The following RNF182 variants were observed in gnomAD, a reference collection of about 807,000 sequenced individuals.
The protein encoded by RNF182 is ring finger protein 182, also known as E3 ubiquitin-protein ligase RNF182.
In RNF182, 15 loss-of-function variants were observed where a neutral mutation model predicts 14.4. The observed-to-expected ratio is 1.04, with a 90% CI of 0.70 to 1.60. The LOEUF is 1.60. RNF182 is among the 40% of genes most tolerant of loss of function. The pLI, the probability that RNF182 is intolerant of heterozygous loss-of-function variation, is 0.00. For missense variants in RNF182, 268 were observed against 294.8 expected, an observed-to-expected ratio of 0.91 and a Z score of 0.67; for synonymous variants, 128 against 122.9, an observed-to-expected ratio of 1.04 and a Z score of -0.27.
chr6:13,944,749 A>G (rs547868724), intron 1 of RNF182, among the ~76,000 whole-genome samples: 1 of 152,356 alleles, frequency 6.6e-6, no homozygotes, highest in African/African-American at 2.4e-5. Context: ...CTATGTTACA[A>G]TCAAGAGACA....
intron 1 of RNF182, among the ~76,000 whole-genome samples, chr6:13,930,516 C>T (rs1204885099): frequency 1.3e-5 from 2 of 152,188 alleles, no homozygotes; most frequent in Non-Finnish European, 2.9e-5. Context: ...AAGTGATACT[C>T]CCTTCTCACT....
At chr6:13,946,205 T>C (rs1438180033) in intron 1 of RNF182, among the ~76,000 whole-genome samples, 1 of 149,490 alleles carries the variant, frequency 6.7e-6, no homozygotes, top group African/African-American at 2.5e-5. Flanking sequence ...CCTGCTCTGT[T>C]GCCCAGGCTA....
At chr6:13,952,630 C>A (rs1330010703) in intron 1 of RNF182, among the ~76,000 whole-genome samples, 1 of 152,132 alleles carries the variant, frequency 6.6e-6, no homozygotes, top group East Asian at 1.9e-4. Context: ...CCGGTATCAT[C>A]CCTTCATGGC....
chr6:13,924,607 G>C (rs925789193), upstream of RNF182: 13 of 152,520 alleles, frequency 8.5e-5, no homozygotes, highest in African/African-American at 3.1e-4. Context: ...GTGTCTGTGG[G>C]GGGGATGGTG....
chr6:13,947,037 G>A (rs898908239), intron 1 of RNF182, among the ~76,000 whole-genome samples: 8 of 126,594 alleles, frequency 6.3e-5, no homozygotes, highest in East Asian at 2.4e-4. Context: ...ACTGTAAAGC[G>A]AAATCAGTAA....
chr6:13,929,935 T>A (rs967722394), intron 1 of RNF182, among the ~76,000 whole-genome samples: 1 of 152,226 alleles, frequency 6.6e-6, no homozygotes, highest in African/African-American at 2.4e-5. Context: ...TATTGTGACA[T>A]GTACCAGTAT....
intron 1 of RNF182, among the ~76,000 whole-genome samples, chr6:13,937,299 A>C (rs1324490402): frequency 6.6e-6 from 1 of 152,176 alleles, no homozygotes; most frequent in African/African-American, 2.4e-5. Context: ...ATTACCCCCA[A>C]ATCCTTCCTT....
At chr6:13,956,605 G>T (rs1030130490) in intron 1 of RNF182, among the ~76,000 whole-genome samples, 2 of 152,032 alleles carry the variant, frequency 1.3e-5, no homozygotes, top group African/African-American at 2.4e-5. Context: ...GATTACCTGC[G>T]TGAGCCAATG....
intron 1 of RNF182, among the ~76,000 whole-genome samples, chr6:13,938,912 G>A (rs1425075911): frequency 6.6e-6 from 1 of 152,006 alleles, no homozygotes; most frequent in Non-Finnish European, 1.5e-5. Flanking sequence ...GTGAAACCCC[G>A]TCTCTACTAA....
chr6:13,958,517 A>T (rs1759785354), intron 1 of RNF182, among the ~76,000 whole-genome samples: 1 of 152,194 alleles, frequency 6.6e-6, no homozygotes, highest in Non-Finnish European at 1.5e-5. Flanking sequence ...CCATTCATGG[A>T]TAGGAAGAGG....
At chr6:13,975,031 G>T (rs1760289068) in intron 2 of RNF182, among the ~76,000 whole-genome samples, 2 of 152,206 alleles carry the variant, frequency 1.3e-5, no homozygotes, top group African/African-American at 4.8e-5. Flanking sequence ...GCTGAAGTCT[G>T]TGTGTGGCTA....
At position 13,980,059 on chromosome 6, in the gene RNF182, C is replaced by T. The variant is rs571690255; in HGVS notation, c.*2196C>T. 1.3e-5 allele frequency: 2 copies of T among 156,632 alleles called. No homozygotes were observed. The highest frequency in any genetic ancestry group is 4.8e-5 in the African/African-American group (2 of 41,520). 9.7% of individuals were successfully genotyped at this position (156,632 alleles called of 1,614,324 possible). ...GTTAAAATTCAGTTATGACTTTGCA[C>T]CTCTGTTAGCTTTAGATAACGGCAA... On this transcript the variant is annotated 3_prime_UTR_variant, in exon 3 of 3. Coordinates refer to ENST00000488300, the MANE Select transcript of RNF182 (RefSeq NM_152737.4).
chr6:13,975,229 G>A (rs1342596436), intron 2 of RNF182, among the ~76,000 whole-genome samples: 1 of 152,178 alleles, frequency 6.6e-6, no homozygotes, highest in South Asian at 2.1e-4. Flanking sequence ...TCATCCCACA[G>A]GAGGAAAAAA....
chr6:13,938,116 T>C (rs1759185437), intron 1 of RNF182, among the ~76,000 whole-genome samples: 1 of 140,190 alleles, frequency 7.1e-6, no homozygotes. Context: ...TTCTCCTGCC[T>C]CGGTCTCTGC....
chr6:13,934,722 C>G (rs1463081215), intron 1 of RNF182, among the ~76,000 whole-genome samples: 1 of 152,016 alleles, frequency 6.6e-6, no homozygotes, highest in Admixed American at 6.6e-5. Context: ...ATTCTCCTGT[C>G]CTGGACAAAC....
intron 1 of RNF182, among the ~76,000 whole-genome samples, chr6:13,926,641 A>T (rs565649529): frequency 6.6e-6 from 1 of 152,368 alleles, no homozygotes; most frequent in East Asian, 1.9e-4. Flanking sequence ...ATCTGTTTTG[A>T]GAAGATAAAC....
intron 1 of RNF182, among the ~76,000 whole-genome samples, chr6:13,956,021 A>G (rs1030241392): frequency 9.8e-5 from 15 of 152,330 alleles, no homozygotes; most frequent in African/African-American, 3.4e-4. Context: ...TAGCTCCCAC[A>G]TATGAGTGAG....
At chr6:13,934,485 A>G (rs890286816) in intron 1 of RNF182, among the ~76,000 whole-genome samples, 1 of 152,214 alleles carries the variant, frequency 6.6e-6, no homozygotes, top group Non-Finnish European at 1.5e-5. Context: ...CAAATATTCT[A>G]TACCTTCGCC....
rs749580920 is a variant in RNF182, at chr6:13,977,547, C to A, written c.428C>A (p.Ser143Tyr). 8 of 1,614,220 alleles carry A rather than the reference C, an allele frequency of 5.0e-6. No homozygotes were observed. The East Asian group carries it at 1.8e-4, about 36-fold the overall frequency. Residue 143 changes from serine (S) to tyrosine (Y), a missense_variant, in exon 3 of 3, where the codon TCC becomes TAC. Ser to Tyr is a moderately radical substitution (Grantham distance 144). Transcript: ENST00000488300. ...GAGGTGCAGAGAGAGAGCTCCCCGT[C>A]CCTGAGCTCCACTCCTGTGGTAGAA... ...IMEVQRESSP[S>Y]LSSTPVVEFY...
Sources: allele counts gnomAD v4.1 joint callset (sites outside exome capture counted in the v4.1 genomes callset), GRCh38; gene constraint gnomAD v4.1.1; transcripts MANE v1.5; gene names NCBI Gene and HGNC (gene_info 2026-07-23, HGNC 2026-07-21).